The following NR6A1 variants were observed in gnomAD, a reference collection of about 807,000 sequenced individuals.
NR6A1 encodes the protein retinoic acid receptor-related testis-associated receptor.
Under a neutral mutation model 59.1 loss-of-function variants are expected in NR6A1, and 7 were observed. The ratio of observed to expected loss-of-function variants is 0.12; its 90% CI spans 0.07 to 0.22. The LOEUF is 0.22. NR6A1 is among the 10% of genes least tolerant of loss of function. The pLI is 1.00. For missense variants in NR6A1, 468 were observed against 611.6 expected, an observed-to-expected ratio of 0.77 and a Z score of 2.48; for synonymous variants, 243 against 236.1, an observed-to-expected ratio of 1.03 and a Z score of -0.27.
chr9:124,666,039 TCCAGTTA>T (rs905851137), intron 2 of NR6A1, among the ~76,000 whole-genome samples: 78 of 152,340 alleles, frequency 5.1e-4, no homozygotes, highest in African/African-American at 1.8e-3. Context: ...AAATTTATAT[TCCAGTTA>T]CCTGATATTA....
intron 5 of NR6A1, among the ~76,000 whole-genome samples, chr9:124,539,000 G>A (rs532615703): frequency 1.1e-4 from 17 of 151,306 alleles, no homozygotes; most frequent in Middle Eastern, 3.4e-3. Flanking sequence ...TTAAGGCTAG[G>A]AATTTGAGAC....
chr9:124,621,146 G>T (rs1460581854), intron 2 of NR6A1, among the ~76,000 whole-genome samples: 1 of 152,060 alleles, frequency 6.6e-6, no homozygotes. Flanking sequence ...GATGACCAGG[G>T]GCTTTGCCTG....
intron 2 of NR6A1, chr9:124,595,859 A>G: frequency 7.8e-7 from 1 of 1,279,248 alleles, no homozygotes; most frequent in Non-Finnish European, 1.0e-6. Context: ...CCCTTCCGAC[A>G]CTTGGTCAAT....
chr9:124,695,776 T>C (rs1417837552), intron 2 of NR6A1, among the ~76,000 whole-genome samples: 7 of 152,226 alleles, frequency 4.6e-5, no homozygotes, highest in African/African-American at 1.7e-4. Context: ...CATTTATTTT[T>C]AACCAATTAT....
chr9:124,758,755 T>C (rs949132380), intron 1 of NR6A1, among the ~76,000 whole-genome samples: 8 of 152,198 alleles, frequency 5.3e-5, no homozygotes, highest in African/African-American at 1.9e-4. Flanking sequence ...GGGAAACAGT[T>C]TGGTAAATGT....
chr9:124,643,371 C>A (rs577417469), intron 2 of NR6A1, among the ~76,000 whole-genome samples: 1 of 151,886 alleles, frequency 6.6e-6, no homozygotes, highest in Admixed American at 6.6e-5. Context: ...GAGGCTGAGG[C>A]GGGTGGATCA....
intron 1 of NR6A1, among the ~76,000 whole-genome samples, chr9:124,744,545 C>T (rs778195847): frequency 2.6e-5 from 4 of 152,144 alleles, no homozygotes; most frequent in African/African-American, 7.2e-5. Context: ...CTGCAACAGC[C>T]GGATGGATGG....
chr9:124,609,538 A>G (rs1387026692), intron 2 of NR6A1, among the ~76,000 whole-genome samples: 1 of 152,188 alleles, frequency 6.6e-6, no homozygotes, highest in Non-Finnish European at 1.5e-5. Context: ...GAAGTCAGGT[A>G]GCCTGATGAC....
At chr9:124,728,596 C>T (rs1443605594) in intron 2 of NR6A1, among the ~76,000 whole-genome samples, 1 of 151,868 alleles carries the variant, frequency 6.6e-6, no homozygotes. Context: ...GATGGCACCA[C>T]TGCACTCTAG....
chr9:124,695,190 G>A (rs1476390751), intron 2 of NR6A1, among the ~76,000 whole-genome samples: 1 of 152,174 alleles, frequency 6.6e-6, no homozygotes, highest in Non-Finnish European at 1.5e-5. Flanking sequence ...GACAGGTAGA[G>A]TCACATTTGT....
At chr9:124,528,093 C>CT (rs1832991171) in intron 7 of NR6A1, among the ~76,000 whole-genome samples, 1 of 152,176 alleles carries the variant, frequency 6.6e-6, no homozygotes, top group South Asian at 2.1e-4. Flanking sequence ...CCAAGAAGGC[C>CT]CTATCTGGGT....
In NR6A1 at chr9:124,533,351, A is replaced by AGCTCTATT. The variant is rs1274136064; in HGVS notation, c.1079+2519_1079+2526dup. Among the ~76,000 whole-genome samples the AGCTCTATT allele has an allele frequency of 2.6e-5, 4 of 152,368 alleles. No individual in the cohort carries two copies. The East Asian group carries it at 7.7e-4, about 29-fold the overall frequency. On this transcript the variant is annotated intron_variant, in intron 7 of 9. Transcript: ENST00000487099. ...GGTTAGGTCAACTGCAAAATCAGAT[A>AGCTCTATT]GCTCTATTTACCAGACAGAGTGTCA... is the stretch of plus-strand genomic sequence containing the variant.
At chr9:124,672,873 G>C (rs1397434140) in intron 2 of NR6A1, among the ~76,000 whole-genome samples, 2 of 152,012 alleles carry the variant, frequency 1.3e-5, no homozygotes, top group Non-Finnish European at 2.9e-5. Context: ...ATGAATCTTA[G>C]TAACCAATTG....
chr9:124,523,137 TGACA>T (rs1300630153), intron 9 of NR6A1, among the ~76,000 whole-genome samples: 4 of 152,172 alleles, frequency 2.6e-5, no homozygotes, highest in African/African-American at 9.7e-5. Flanking sequence ...AAGCTGAAAC[TGACA>T]GGTAGTCCAA....
At chr9:124,633,662 T>C (rs930394393) in intron 2 of NR6A1, among the ~76,000 whole-genome samples, 1 of 152,164 alleles carries the variant, frequency 6.6e-6, no homozygotes, top group Admixed American at 6.5e-5. Context: ...CCCAGGATCA[T>C]CCTAAATTGT....
At chr9:124,701,098 T>C (rs923568465) in intron 2 of NR6A1, among the ~76,000 whole-genome samples, 4 of 152,186 alleles carry the variant, frequency 2.6e-5, no homozygotes, top group Non-Finnish European at 4.4e-5. Context: ...TTTTTAATTC[T>C]CTTGGATATC....
chr9:124,755,929 C>A (rs958548592), intron 1 of NR6A1, among the ~76,000 whole-genome samples: 1 of 152,150 alleles, frequency 6.6e-6, no homozygotes, highest in Non-Finnish European at 1.5e-5. Flanking sequence ...AAAGATAGAT[C>A]TTTTCAGCAA....
intron 2 of NR6A1, among the ~76,000 whole-genome samples, chr9:124,623,272 C>G (rs1190655081): frequency 6.6e-6 from 1 of 152,076 alleles, no homozygotes; most frequent in Non-Finnish European, 1.5e-5. Context: ...GGAGGCCATT[C>G]AGGCAAGCAA....
chr9:124,730,722 G>T (rs1839857411), intron 2 of NR6A1, among the ~76,000 whole-genome samples: 1 of 151,800 alleles, frequency 6.6e-6, no homozygotes, highest in Admixed American at 6.6e-5. Context: ...CCAGAAAGAA[G>T]AATTCAACAA....
Sources: gnomAD v4.1 joint callset for allele counts (sites outside exome capture counted in the v4.1 genomes callset) on GRCh38, gnomAD v4.1.1 for gene constraint, MANE v1.5 for transcripts, NCBI Gene and HGNC (gene_info 2026-07-23, HGNC 2026-07-21) for gene names.